Variants in PCNX3 observed in about 807,000 individuals in gnomAD.
PCNX3 encodes pecanex 3, also known as pecanex-like protein 3.
PCNX3 carries 58 observed loss-of-function variants against 207.2 expected under a neutral mutation model. That is an observed-to-expected ratio of 0.28 (90% CI 0.23 to 0.35). The LOEUF is 0.35. Ranked by LOEUF, PCNX3 falls within the 10% of genes least tolerant of loss-of-function variation. The probability of loss-of-function intolerance (pLI) is 1.00; values close to 1 mark genes in which losing one functional copy is unlikely to be tolerated. For missense variants in PCNX3, 2,410 were observed against 2,774.4 expected, an observed-to-expected ratio of 0.87 and a Z score of 2.95; for synonymous variants, 1,337 against 1,183.5, an observed-to-expected ratio of 1.13 and a Z score of -2.66.
rs1417223807 is a variant in PCNX3 at position 65,629,373 on chromosome 11, C to T, written c.3958C>T (p.His1320Tyr). ...TCTGAACAGCACTAAACGTGTGGAT[C>T]ATTCCAACACCCGCCTGGTCACACA... ...ERDYNTKRVD[H>Y]SNTRLVTQLD... The change falls in exon 25 of 35, where the codon CAT becomes TAT. Residue 1320 changes from histidine to tyrosine, a missense_variant. Coordinates refer to ENST00000355703, the MANE Select transcript of PCNX3 (RefSeq NM_032223.4). 1 of 1,611,442 alleles carries T rather than the reference C, an allele frequency of 6.2e-7. No homozygotes were observed. The highest frequency in any genetic ancestry group is 2.2e-5 in the East Asian group (1 of 44,814).
rs750996490 is a variant in PCNX3, at chr11:65,625,458, C to T, written c.3083C>T (p.Thr1028Ile). The stretch of plus-strand genomic sequence containing the variant: ...GAGCTGGAGGAGCGCAGCTTGGAGA[C>T]AGCCCGGGCCGAGCCCCCGGACCCC... ...FPELEERSLE[T>I]ARAEPPDPLP... Residue 1028 changes from threonine to isoleucine, a missense_variant, in exon 18 of 35, where the codon ACA (threonine) becomes ATA (isoleucine). This residue lies in a region of PCNX3 where 333 missense variants were observed against 386.8 expected (regional missense o/e 0.86). Coordinates refer to ENST00000355703, the MANE Select transcript of PCNX3 (RefSeq NM_032223.4). The surrounding 1 kb of genome is among the most constrained non-coding windows in gnomAD (Gnocchi z 5.6). 1.2e-5 allele frequency: 20 copies of T among 1,605,632 alleles called. No individual in the cohort carries two copies. In the African/African-American group the frequency reaches 2.5e-4, roughly 20 times the overall value.
intron 21 of PCNX3, 110 bp from the exon 22 acceptor site, chr11:65,627,295 A>C (rs975097444): frequency 7.9e-7 from 1 of 1,267,348 alleles, no homozygotes; most frequent in Admixed American, 2.5e-5. Flanking sequence ...CCAGCCCAGC[A>C]GAGCAGAGGC....
At position 65,628,913 on chromosome 11, in the gene PCNX3, C is replaced by T. The variant is rs536298561; in HGVS notation, c.3906C>T (p.Tyr1302=). 7.7e-5 allele frequency: 124 copies of T among 1,612,494 alleles called. No individual in the cohort carries two copies. The highest frequency in any genetic ancestry group is 1.2e-4 in the Admixed American group (7 of 59,988). ...LLGSAVFIMS[Y]ARPLKFWERD... ...GCAGTGCCGTCTTCATCATGTCCTA[C>T]GCTCGGCCCCTCAAGTTCTGGGAGC... Residue 1302 remains tyrosine, a synonymous_variant, in exon 24 of 35, where the codon TAC becomes TAT. Coordinates refer to ENST00000355703, the MANE Select transcript of PCNX3 (RefSeq NM_032223.4).
intron 8 of PCNX3, among the ~76,000 whole-genome samples, 168 bp from the exon 9 acceptor site, chr11:65,620,171 C>T (rs1024534797): frequency 8.5e-5 from 13 of 152,232 alleles, no homozygotes; most frequent in African/African-American, 2.9e-4. Flanking sequence ...GTGACTGCCG[C>T]GCCCAGGCTC....
chr11:65,628,727 G>T, intron 23 of PCNX3, 24 bp downstream of exon 23: 1 of 1,610,832 alleles, frequency 6.2e-7, no homozygotes, highest in Non-Finnish European at 8.5e-7. Flanking sequence ...GTTTGGGTGG[G>T]GGTGTGCAGG....
rs778549987 is a variant in PCNX3, at chr11:65,623,495, C to T, written c.2362C>T (p.Arg788Trp). 25 of 1,605,952 alleles carry T rather than the reference C, an allele frequency of 1.6e-5. No individual in the cohort carries two copies. The highest frequency in any genetic ancestry group is 1.2e-4 in the South Asian group (11 of 90,030). Residue 788 changes from arginine (R) to tryptophan (W), a missense_variant, in exon 12 of 35, where the codon CGG becomes TGG. This residue lies in a region of PCNX3 where 177 missense variants were observed against 257.5 expected (regional missense o/e 0.69). Coordinates refer to ENST00000355703, the MANE Select transcript of PCNX3 (RefSeq NM_032223.4). ...CTGACTAGGCTGTCCCTGCAGGACGCGGGGAGTGCTGGAGAACATCTTCGG... is the reference window on the plus strand; with the variant it reads ...CTGACTAGGCTGTCCCTGCAGGACGTGGGGAGTGCTGGAGAACATCTTCGG... Reference protein sequence around the residue: ...LALLALLDRTRGVLENIFGVG... With the variant: ...LALLALLDRTWGVLENIFGVG...
intron 26 of PCNX3, 26 bp from the exon 27 acceptor site, chr11:65,630,325 C>T (rs767215919): frequency 6.2e-7 from 1 of 1,609,140 alleles, no homozygotes; most frequent in Non-Finnish European, 8.5e-7. Context: ...TCTAGCAGCC[C>T]CTGACTGCAC....
chr11:65,628,748 GCCTGGGGCAGT>G (rs2135460281), intron 23 of PCNX3, 45 bp downstream of exon 23: 1 of 1,583,612 alleles, frequency 6.3e-7, no homozygotes, highest in Non-Finnish European at 8.6e-7. Context: ...GAGGGCTGTG[GCCTGGGGCAGT>G]GGGGGGTGGT....
At position 65,618,020 on chromosome 11, in the gene PCNX3, C is replaced by T. The variant is rs758362570; in HGVS notation, c.658C>T (p.Leu220=). ...ASTDSSEPSP[L]AGDGAPWSGS... ...TACAGACTCTTCAGAGCCTTCTCCC[C>T]TGGCTGGAGATGGAGCGCCCTGGAG... Residue 220 remains leucine, a synonymous_variant, in exon 6 of 35, where the codon CTG becomes TTG. Coordinates refer to ENST00000355703, the MANE Select transcript of PCNX3 (RefSeq NM_032223.4). 3 of 1,609,552 alleles carry T rather than the reference C, an allele frequency of 1.9e-6. No homozygotes were observed. The highest frequency in any genetic ancestry group is 8.5e-7 in the Non-Finnish European group (1 of 1,178,414).
chr11:65,622,551 C>T (rs913628235), intron 11 of PCNX3, among the ~76,000 whole-genome samples, 185 bp downstream of exon 11: 1 of 152,138 alleles, frequency 6.6e-6, no homozygotes, highest in African/African-American at 2.4e-5. Flanking sequence ...AAAGGGGTGG[C>T]CAAGTGGGTG....
In PCNX3 at chr11:65,615,781, C is replaced by G. The variant is rs756864344; in HGVS notation, c.-531C>G. 6.6e-6 allele frequency: 1 copy of G among 152,272 alleles called. No homozygotes were observed. The highest frequency in any genetic ancestry group is 1.5e-5 in the Non-Finnish European group (1 of 68,060). 9.4% of individuals were successfully genotyped at this position (152,272 alleles called of 1,614,324 possible). A position where few individuals can be genotyped will look rare whatever the true frequency, so the allele number is the denominator to read the frequency against. ...CCCAATTGGAATCGTTGGGCGCATGCGCCACTGCAGGCTGGCGGTTCGCGG... is the reference window on the plus strand; with the variant it reads ...CCCAATTGGAATCGTTGGGCGCATGGGCCACTGCAGGCTGGCGGTTCGCGG... On this transcript the variant is annotated 5_prime_UTR_variant, in exon 1 of 35. Coordinates refer to ENST00000355703, the MANE Select transcript of PCNX3 (RefSeq NM_032223.4).
intron 15 of PCNX3, 150 bp downstream of exon 15, chr11:65,624,731 C>T (rs1042684935): frequency 5.3e-6 from 5 of 934,676 alleles, no homozygotes. Context: ...CTCCTTCCCT[C>T]CCCAGGCAAG....
chr11:65,626,521 C>T (rs1000923733), intron 20 of PCNX3: 8 of 409,408 alleles, frequency 2.0e-5, no homozygotes, highest in African/African-American at 1.6e-4. Flanking sequence ...GATTTTGCTT[C>T]CCAGACTAGC....
intron 10 of PCNX3, among the ~76,000 whole-genome samples, chr11:65,621,831 T>C (rs1855119731): frequency 1.3e-5 from 2 of 152,240 alleles, no homozygotes; most frequent in Non-Finnish European, 2.9e-5. Flanking sequence ...GAGCCCTGCA[T>C]GCACGCTCGG....
Position 65,625,810 on chromosome 11 carries a change from C to A in PCNX3, c.3228+66C>A. 1.3e-6 allele frequency: 2 copies of A among 1,595,578 alleles called. No individual in the cohort carries two copies. Among genetic ancestry groups the A allele is most frequent in the Non-Finnish European group, 8.5e-7 (1 of 1,171,448 alleles). ...GCGGGAGCCTGCTCAATCTGAGTGC[C>A]GTGGGCAGCCCCTCCCCGGCCTGTG... On this transcript the variant is annotated intron_variant, in intron 19 of 34. Transcript: ENST00000355703. The surrounding 1 kb of genome is among the most constrained non-coding windows in gnomAD (Gnocchi z 5.6).
chr11:65,622,101 T>G, intron 10 of PCNX3, 144 bp from the exon 11 acceptor site: 1 of 1,382,754 alleles, frequency 7.2e-7, no homozygotes, highest in Non-Finnish European at 9.5e-7. Flanking sequence ...CAGGGGCCTT[T>G]ATGTGCTGAT....
chr11:65,622,331 CTA>C lies in PCNX3; in HGVS notation c.2324_2325del (p.Tyr775Ter), dbSNP rs1394105477. ...TCCCTGGCCGCTGGACCTCTGTGCG[CTA>C]TGAGCGGCTTGCCCTGCTGGCTCTG... is the stretch of plus-strand genomic sequence containing the variant. ...LLPGRWTSVR[Y>X]ERLALLALLD... is the part of the protein sequence containing the mutation. On this transcript the variant is annotated frameshift_variant, in exon 11 of 35. Transcript: ENST00000355703. LOFTEE classifies it high-confidence loss of function. 1 of 1,596,816 alleles carries C rather than the reference CTA, an allele frequency of 6.3e-7. No individual in the cohort carries two copies. The highest frequency in any genetic ancestry group is 8.5e-7 in the Non-Finnish European group (1 of 1,172,626).
chr11:65,620,020 C>CTG lies in PCNX3; in HGVS notation c.2008+91_2008+92dup, dbSNP rs550204995. ...TCCTAGCAGTGGTGCTCGCTCGGCC[C>CTG]TGTGGCAGGTACACTGCTAATGCTG... On this transcript the variant is annotated intron_variant, in intron 8 of 34. Transcript: ENST00000355703. 413 of 1,357,568 alleles carry CTG rather than the reference C, an allele frequency of 3.0e-4. 1 individual carries two copies. The African/African-American group carries it at 5.6e-3, about 18-fold the overall frequency. 84.1% of individuals were successfully genotyped at this position (1,357,568 alleles called of 1,614,324 possible).
rs1252802950 is a variant in PCNX3, at chr11:65,629,504, C to T, written c.4001-16C>T. On this transcript the variant is annotated splice_polypyrimidine_tract_variant and intron_variant, in intron 25 of 34. Coordinates refer to ENST00000355703, the MANE Select transcript of PCNX3 (RefSeq NM_032223.4). ...CTTGTCACTTTGTCCATTTGCCCGT[C>T]TGTTCTGGGTCTTAGGCGCTGATGA... The T allele has an allele frequency of 1.2e-6, 2 of 1,613,286 alleles. No homozygotes were observed. Among genetic ancestry groups the T allele is most frequent in the Non-Finnish European group, 1.7e-6 (2 of 1,179,648 alleles).
Sources: gnomAD v4.1 joint callset for allele counts (sites outside exome capture counted in the v4.1 genomes callset) on GRCh38, gnomAD v4.1.1 for gene constraint, gnomAD v4.1.1 regional missense constraint, Gnocchi (gnomAD v3.1) non-coding constraint, MANE v1.5 for transcripts, NCBI Gene and HGNC (gene_info 2026-07-23, HGNC 2026-07-21) for gene names.